Variants in EOGT observed in about 807,000 individuals in gnomAD.
The protein encoded by EOGT is EGF domain specific O-linked N-acetylglucosamine transferase.
A neutral mutation model predicts 70.5 loss-of-function variants in EOGT; 55 were observed. The ratio of observed to expected loss-of-function variants is 0.78; its 90% CI spans 0.63 to 0.98. The LOEUF (loss-of-function observed/expected upper bound fraction) is 0.98, where lower values mean the gene tolerates loss of function less well. Among genes scored for constraint, EOGT ranks in the 50% least tolerant of loss-of-function variants. EOGT has a pLI of 0.00. For missense variants in EOGT, 703 were observed against 641.9 expected, an observed-to-expected ratio of 1.10 and a Z score of -1.03; for synonymous variants, 246 against 217.1, an observed-to-expected ratio of 1.13 and a Z score of -1.17.
rs1407460286 is a variant in EOGT at position 68,988,303 on chromosome 3, C to T, written c.1075G>A (p.Gly359Arg). 1 of 1,535,384 alleles carries T rather than the reference C, an allele frequency of 6.5e-7. No individual in the cohort carries two copies. Among genetic ancestry groups the T allele is most frequent in the East Asian group, 2.4e-5 (1 of 40,912 alleles). ...CGCAGTGTATCCATTACCTTAGGTCCTTCTTGTGTGATGTTTAGTCTGTGT... is the reference window on the plus strand; with the variant it reads ...CGCAGTGTATCCATTACCTTAGGTCTTTCTTGTGTGATGTTTAGTCTGTGT... ...VLHRLNITQEGPKDGKIRVTI... is the reference protein window; with the variant it reads ...VLHRLNITQERPKDGKIRVTI... Residue 359 changes from glycine to arginine, a missense_variant, in exon 13 of 18, where the codon GGA becomes AGA. Transcript: ENST00000383701.
At chr3:68,993,645 A>G (rs1277222361) in intron 10 of EOGT, among the ~76,000 whole-genome samples, 1 of 152,198 alleles carries the variant, frequency 6.6e-6, no homozygotes, top group African/African-American at 2.4e-5. Context: ...GTATCTTTTC[A>G]GCAACACCCC....
intron 10 of EOGT, among the ~76,000 whole-genome samples, chr3:68,995,434 C>T (rs549513899): frequency 1.9e-4 from 29 of 152,222 alleles, no homozygotes; most frequent in Non-Finnish European, 3.4e-4. Flanking sequence ...TAACACCAGG[C>T]GGCCACCCTG....
intron 10 of EOGT, among the ~76,000 whole-genome samples, chr3:68,992,274 A>T (rs2091014254): frequency 6.6e-6 from 1 of 152,176 alleles, no homozygotes; most frequent in East Asian, 1.9e-4. Flanking sequence ...AAACAAAAGC[A>T]AGCTAGTTCC....
intron 8 of EOGT, among the ~76,000 whole-genome samples, chr3:69,002,528 A>G (rs2091323733): frequency 6.6e-6 from 1 of 152,284 alleles, no homozygotes; most frequent in African/African-American, 2.4e-5. Flanking sequence ...CTGCTAAGTG[A>G]CTTGAGACAT....
At position 69,005,211 on chromosome 3, in the gene EOGT, G is replaced by A; in HGVS notation, c.444C>T (p.Ser148=). Residue 148 remains serine, a synonymous_variant, in exon 7 of 18, where the codon TCC becomes TCT. Transcript: ENST00000383701. ...KETSDSSLVC[S]RYLQYCRATN... Reference sequence around the variant, plus strand: ...TTGCTCTGCAGTACTGAAGATAACGGGAACACACCAGACTTGAGTCACTCT... The same window carrying A: ...TTGCTCTGCAGTACTGAAGATAACGAGAACACACCAGACTTGAGTCACTCT... 1 of 1,602,014 alleles carries A rather than the reference G, an allele frequency of 6.2e-7. No individual in the cohort carries two copies. The highest frequency in any genetic ancestry group is 8.5e-7 in the Non-Finnish European group (1 of 1,170,482).
intron 14 of EOGT, among the ~76,000 whole-genome samples, chr3:68,984,686 T>G (rs2090753867): frequency 6.6e-6 from 1 of 152,170 alleles, no homozygotes; most frequent in Non-Finnish European, 1.5e-5. Context: ...AGTTGGGGGC[T>G]GAATGATCAA....
chr3:68,984,205 CCTCT>C (rs61194778), intron 14 of EOGT, among the ~76,000 whole-genome samples: 7,393 of 149,880 alleles, frequency 0.049, 606 homozygotes, highest in African/African-American at 0.17. Context: ...AATCCCCTCC[CCTCT>C]CTCTCTCTCT....
At chr3:69,010,133 G>A (rs1411278136) in intron 3 of EOGT, among the ~76,000 whole-genome samples, 1 of 152,172 alleles carries the variant, frequency 6.6e-6, no homozygotes, top group Non-Finnish European at 1.5e-5. Context: ...TACTACAACT[G>A]TCATAAACAA....
intron 9 of EOGT, 143 bp from the exon 10 acceptor site, chr3:68,998,257 A>G (rs1200407698): frequency 3.4e-6 from 2 of 594,186 alleles, no homozygotes; most frequent in African/African-American, 3.9e-5. Context: ...GTTTTTCCAA[A>G]CATGAAATGA....
intron 15 of EOGT, among the ~76,000 whole-genome samples, chr3:68,980,682 G>A (rs1168939788): frequency 6.6e-6 from 1 of 152,204 alleles, no homozygotes; most frequent in Non-Finnish European, 1.5e-5. Context: ...GGAAAAAGAT[G>A]ACAGCTCCAT....
chr3:68,998,355 T>C (rs1415028423), intron 9 of EOGT, among the ~76,000 whole-genome samples: 3 of 152,216 alleles, frequency 2.0e-5, no homozygotes, highest in Non-Finnish European at 4.4e-5. Flanking sequence ...AGGAATGCAT[T>C]TTCCCATATA....
At chr3:69,008,633 AT>A in intron 4 of EOGT, 105 bp from the exon 5 acceptor site, 1 of 747,758 alleles carries the variant, frequency 1.3e-6, no homozygotes, top group East Asian at 2.6e-5. Flanking sequence ...TCACATTTAC[AT>A]TTATAATACG....
At chr3:68,983,835 T>A (rs927057058) in intron 14 of EOGT, among the ~76,000 whole-genome samples, 4 of 152,154 alleles carry the variant, frequency 2.6e-5, no homozygotes, top group African/African-American at 9.7e-5. Flanking sequence ...TGGTGGCACA[T>A]GCCTGTAATC....
intron 5 of EOGT, 112 bp from the exon 6 acceptor site, chr3:69,007,933 C>A (rs1430190596): frequency 1.5e-6 from 1 of 688,528 alleles, no homozygotes; most frequent in Non-Finnish European, 2.4e-6. Context: ...AATTTTGTTA[C>A]AGTATATTAT....
intron 11 of EOGT, 173 bp downstream of exon 11, chr3:68,988,752 C>G (rs2107223083): frequency 1.5e-6 from 1 of 645,716 alleles, no homozygotes; most frequent in Non-Finnish European, 2.6e-6. Flanking sequence ...ATAGAAAAAA[C>G]TTTTCAAAGG....
intron 10 of EOGT, among the ~76,000 whole-genome samples, chr3:68,996,340 G>A (rs527453309): frequency 9.5e-4 from 144 of 152,302 alleles, no homozygotes; most frequent in Non-Finnish European, 1.5e-3. Flanking sequence ...CGGCAAAACT[G>A]TCTCTCCTTC....
rs369626707 is a variant in EOGT at position 68,979,835 on chromosome 3, T to A, written c.1215-48A>T. 2.1e-4 allele frequency: 334 copies of A among 1,590,272 alleles called. 1 individual carries two copies. The highest frequency in any genetic ancestry group is 1.7e-3 in the Middle Eastern group (10 of 5,980). ...GAGAGAGATGGGGAGAAGAGAGAAG[T>A]ATTAGGTTGAGTTAGTTCATGATTC... On this transcript the variant is annotated intron_variant, in intron 15 of 17. Coordinates refer to ENST00000383701, the MANE Select transcript of EOGT (RefSeq NM_001278689.2).
chr3:68,981,855 AAT>A (rs1335684578), intron 15 of EOGT, among the ~76,000 whole-genome samples: 1 of 152,118 alleles, frequency 6.6e-6, no homozygotes, highest in Non-Finnish European at 1.5e-5. Context: ...AACATTTGAT[AAT>A]GTTATCAAAT....
At chr3:68,987,275 G>C (rs963783289) in intron 14 of EOGT, among the ~76,000 whole-genome samples, 170 bp downstream of exon 14, 1 of 151,890 alleles carries the variant, frequency 6.6e-6, no homozygotes, top group African/African-American at 2.4e-5. Context: ...GTGGTTTGGT[G>C]AATCTCACTA....
Sources: allele counts gnomAD v4.1 joint callset (sites outside exome capture counted in the v4.1 genomes callset), GRCh38; gene constraint gnomAD v4.1.1; transcripts MANE v1.5; gene names NCBI Gene and HGNC (gene_info 2026-07-23, HGNC 2026-07-21).